Variants in ZNF398 observed in about 807,000 individuals in gnomAD.
The protein encoded by ZNF398 is zinc finger DNA binding protein ZER6.
A neutral mutation model predicts 41.9 loss-of-function variants in ZNF398; 18 were observed. That is an observed-to-expected ratio of 0.43 (90% CI 0.30 to 0.64). The LOEUF (loss-of-function observed/expected upper bound fraction) is 0.64. Among genes scored for constraint, ZNF398 ranks in the 30% least tolerant of loss-of-function variants. The pLI is 0.14. For synonymous variants in ZNF398, 260 were observed against 308.8 expected, an observed-to-expected ratio of 0.84 and a Z score of 1.66; for missense variants, 669 against 822.8, an observed-to-expected ratio of 0.81 and a Z score of 2.29.
chr7:149,167,132 C>G (rs1036524290), intron 4 of ZNF398, among the ~76,000 whole-genome samples: 1 of 152,224 alleles, frequency 6.6e-6, no homozygotes, highest in Non-Finnish European at 1.5e-5. Flanking sequence ...TACTACACAC[C>G]TAACAGTTAC....
chr7:149,152,860 CTT>C (rs752636514), intron 1 of ZNF398, among the ~76,000 whole-genome samples: 25 of 137,918 alleles, frequency 1.8e-4, no homozygotes, highest in South Asian at 2.3e-4. Context: ...TGCCCAGCCT[CTT>C]TTTTTTTTTT....
chr7:149,167,525 T>C (rs1416411603), intron 4 of ZNF398, among the ~76,000 whole-genome samples: 1 of 152,206 alleles, frequency 6.6e-6, no homozygotes. Flanking sequence ...TTTTTGTTCT[T>C]TGATGGATAG....
At chr7:149,145,037 G>A (rs972155469), upstream of ZNF398, among the ~76,000 whole-genome samples, 2 of 152,094 alleles carry the variant, frequency 1.3e-5, no homozygotes, top group African/African-American at 2.4e-5. Flanking sequence ...TGACAAATAT[G>A]TATATTCAGG....
At chr7:149,141,676 G>C (rs933929340) in intron 2 of ZNF398, among the ~76,000 whole-genome samples, 3 of 150,748 alleles carry the variant, frequency 2.0e-5, no homozygotes, top group African/African-American at 7.3e-5. Context: ...GGATGGTCTG[G>C]ATCTCTTGAC....
chr7:149,149,719 A>G (rs1194159565), intron 1 of ZNF398, among the ~76,000 whole-genome samples: 1 of 152,028 alleles, frequency 6.6e-6, no homozygotes, highest in Non-Finnish European at 1.5e-5. Context: ...GGTGGCATGC[A>G]CTTGTACTCC....
intron 1 of ZNF398, among the ~76,000 whole-genome samples, chr7:149,150,736 A>G (rs1479528440): frequency 3.3e-5 from 5 of 151,690 alleles, no homozygotes; most frequent in African/African-American, 1.2e-4. Context: ...CCCTAGACAG[A>G]GTCTTGCTCT....
At position 149,180,487 on chromosome 7, in the gene ZNF398, T is replaced by A. The variant is rs1048597993; in HGVS notation, c.*686T>A. ...ATTATTAAGGAGAATATTCCTTAAC[T>A]ATACTGGCTTGATTTGAAACAGGCT... On this transcript the variant is annotated 3_prime_UTR_variant, in exon 6 of 6. Coordinates refer to ENST00000475153, the MANE Select transcript of ZNF398 (RefSeq NM_170686.3). The A allele has an allele frequency of 2.6e-5, 4 of 152,258 alleles. No individual in the cohort carries two copies. Among genetic ancestry groups the A allele is most frequent in the Non-Finnish European group, 5.9e-5 (4 of 68,040 alleles). 9.4% of individuals were successfully genotyped at this position (152,258 alleles called of 1,614,324 possible). A position where few individuals can be genotyped will look rare whatever the true frequency, so the allele number is the denominator to read the frequency against.
intron 5 of ZNF398, among the ~76,000 whole-genome samples, chr7:149,177,493 G>A (rs531003752): frequency 6.6e-6 from 1 of 152,296 alleles, no homozygotes; most frequent in African/African-American, 2.4e-5. Flanking sequence ...ACCTAAAGAA[G>A]GGCATAAAGC....
intron 2 of ZNF398, among the ~76,000 whole-genome samples, chr7:149,164,548 A>G (rs1795186161): frequency 6.6e-6 from 1 of 152,246 alleles, no homozygotes; most frequent in Non-Finnish European, 1.5e-5. Flanking sequence ...GGGAAAGGAA[A>G]AAGATTCAAA....
At chr7:149,170,946 T>G (rs1188955577) in intron 4 of ZNF398, among the ~76,000 whole-genome samples, 2 of 150,596 alleles carry the variant, frequency 1.3e-5, no homozygotes, top group Non-Finnish European at 3.0e-5. Context: ...TGGGTTCAAG[T>G]GATTCTCCTG....
intron 4 of ZNF398, among the ~76,000 whole-genome samples, chr7:149,174,869 G>T (rs1795428791): frequency 6.6e-6 from 1 of 152,086 alleles, no homozygotes; most frequent in South Asian, 2.1e-4. Flanking sequence ...TGAATGGAAA[G>T]TTAATCCTCT....
In ZNF398 at chr7:149,147,609, G is replaced by T. The variant is rs1826982903; in HGVS notation, c.-134G>T. 3 of 1,022,430 alleles carry T rather than the reference G, an allele frequency of 2.9e-6. No individual in the cohort carries two copies. The highest frequency in any genetic ancestry group is 3.7e-6 in the Non-Finnish European group (3 of 807,964). The allele number at this position is 1,022,430 out of a possible 1,614,324, so 63.3% of individuals were successfully genotyped here. On this transcript the variant is annotated 5_prime_UTR_variant, in exon 1 of 6. Transcript: ENST00000475153. The surrounding 1 kb of genome is among the most constrained non-coding windows in gnomAD (Gnocchi z 5.6). The stretch of plus-strand genomic sequence containing the variant: ...CCCGACGGCCGCGTGAGTCCCGTCC[G>T]TGCGGGGAAGGCAGGGCCGGGTCGG...
At chr7:149,140,499 C>T (rs1428346900) in intron 2 of ZNF398, among the ~76,000 whole-genome samples, 3 of 152,136 alleles carry the variant, frequency 2.0e-5, no homozygotes, top group African/African-American at 7.2e-5. Flanking sequence ...ATCCTCCTGC[C>T]TCAGCCCCCT....
intron 1 of ZNF398, chr7:149,151,333 CAATT>C: frequency 9.6e-7 from 1 of 1,045,536 alleles, no homozygotes; most frequent in Non-Finnish European, 1.2e-6. Flanking sequence ...CTGATGTGAT[CAATT>C]AGAGAAAAAA....
chr7:149,130,705 G>C (rs1371796276), intron 2 of ZNF398, among the ~76,000 whole-genome samples: 1 of 152,132 alleles, frequency 6.6e-6, no homozygotes, highest in Admixed American at 6.6e-5. Flanking sequence ...CCAGGGGTTT[G>C]GTCTAGGTGC....
intron 1 of ZNF398, among the ~76,000 whole-genome samples, chr7:149,151,653 C>T (rs565059217): frequency 6.6e-5 from 10 of 151,744 alleles, no homozygotes; most frequent in Admixed American, 1.3e-4. Context: ...CAGTGCACTC[C>T]AGCCTCGGTG....
chr7:149,153,891 G>A, intron 1 of ZNF398, 54 bp from the exon 2 acceptor site: 3 of 1,549,980 alleles, frequency 1.9e-6, no homozygotes, highest in African/African-American at 2.7e-5. Flanking sequence ...TTAGTTTGGA[G>A]TTAGGGTTCC....
upstream of ZNF398, among the ~76,000 whole-genome samples, chr7:149,145,602 A>G (rs1443084734): frequency 6.6e-6 from 1 of 152,226 alleles, no homozygotes; most frequent in Non-Finnish European, 1.5e-5. Flanking sequence ...GAGTTCAACC[A>G]GTTTGAAGAC....
At chr7:149,160,407 A>AGTGG (rs1795084890) in intron 2 of ZNF398, among the ~76,000 whole-genome samples, 1 of 152,152 alleles carries the variant, frequency 6.6e-6, no homozygotes, top group South Asian at 2.1e-4. Flanking sequence ...TATACTAGGA[A>AGTGG]GTGGGATTCT....
Sources: gnomAD v4.1 joint callset for allele counts (sites outside exome capture counted in the v4.1 genomes callset) on GRCh38, gnomAD v4.1.1 for gene constraint, Gnocchi (gnomAD v3.1) non-coding constraint, MANE v1.5 for transcripts, NCBI Gene and HGNC (gene_info 2026-07-23, HGNC 2026-07-21) for gene names.